TRMT11: variants seen among roughly 807,000 people sequenced by gnomAD.
The protein encoded by TRMT11 is tRNA methyltransferase 11, also known as tRNA (guanine(10)-N(2))-methyltransferase TRMT11.
A neutral mutation model predicts 62.8 loss-of-function variants in TRMT11; 53 were observed. The ratio of observed to expected loss-of-function variants is 0.84; its 90% CI spans 0.68 to 1.06. TRMT11 has a LOEUF of 1.06. Ranked by LOEUF, TRMT11 falls within the 50% of genes least tolerant of loss-of-function variation. The pLI, the probability that TRMT11 is intolerant of heterozygous loss-of-function variation, is 0.00. For missense variants in TRMT11, 556 were observed against 553.4 expected (o/e 1.00, Z -0.05); for synonymous variants, 188 against 190.3 (o/e 0.99, Z 0.10).
upstream of TRMT11, among the ~76,000 whole-genome samples, chr6:126,172,814 T>A (rs1378105983): frequency 6.6e-6 from 1 of 152,124 alleles, no homozygotes; most frequent in Non-Finnish European, 1.5e-5. Context: ...TGTAAAAGTC[T>A]CTGATACATG....
intron 21 of TRMT11, among the ~76,000 whole-genome samples, chr6:126,161,523 A>G (rs1325183627): frequency 1.3e-5 from 2 of 152,192 alleles, no homozygotes; most frequent in Non-Finnish European, 2.9e-5. Context: ...GCTATTGTGA[A>G]TAGTGCTGCA....
chr6:126,034,057 T>TC (rs1774705677), intron 12 of TRMT11, among the ~76,000 whole-genome samples: 1 of 152,092 alleles, frequency 6.6e-6, no homozygotes, highest in Non-Finnish European at 1.5e-5. Context: ...TCAAACTCTA[T>TC]TTTGAATGAC....
At chr6:126,249,529 A>G in the TRMT11 span, among the ~76,000 whole-genome samples, 4 of 152,192 alleles carry the variant, frequency 2.6e-5, no homozygotes, top group East Asian at 7.7e-4. Flanking sequence ...TTTTAGCTAT[A>G]AGAAGACAAG....
chr6:126,070,175 A>T (rs377091217), intron 17 of TRMT11, among the ~76,000 whole-genome samples: 395 of 152,318 alleles, frequency 2.6e-3, no homozygotes, highest in African/African-American at 8.8e-3. Flanking sequence ...TGTGCTTCCC[A>T]TCAGAGAACC....
downstream of TRMT11, among the ~76,000 whole-genome samples, chr6:126,207,290 T>C (rs1180380013): frequency 1.3e-5 from 2 of 152,156 alleles, no homozygotes; most frequent in Non-Finnish European, 2.9e-5. Context: ...TGAAGGGGTA[T>C]TGTCCCTGGA....
At chr6:126,254,785 A>G in the TRMT11 span, among the ~76,000 whole-genome samples, 1 of 152,160 alleles carries the variant, frequency 6.6e-6, no homozygotes, top group Admixed American at 6.5e-5. Flanking sequence ...TCTTGTTTTT[A>G]ACTACCTAAA....
intron 17 of TRMT11, among the ~76,000 whole-genome samples, chr6:126,085,940 C>A (rs1777212546): frequency 6.6e-6 from 1 of 152,122 alleles, no homozygotes; most frequent in African/African-American, 2.4e-5. Context: ...TCCTCTCAAC[C>A]TACTGCTACT....
chr6:126,244,079 T>C, the TRMT11 span, among the ~76,000 whole-genome samples: 1 of 152,162 alleles, frequency 6.6e-6, no homozygotes, highest in African/African-American at 2.4e-5. Flanking sequence ...TTCTAAAATG[T>C]TCTTAGCATT....
intron 12 of TRMT11, among the ~76,000 whole-genome samples, chr6:126,030,364 A>G (rs1421147971): frequency 3.9e-5 from 6 of 152,192 alleles, no homozygotes; most frequent in Non-Finnish European, 7.3e-5. Flanking sequence ...CAGCACTGTC[A>G]TTTACATTTC....
chr6:126,172,341 G>A (rs1778339705), upstream of TRMT11, among the ~76,000 whole-genome samples: 1 of 152,122 alleles, frequency 6.6e-6, no homozygotes, highest in Admixed American at 6.5e-5. Flanking sequence ...ACTCCAAGAA[G>A]TTATGTGAGC....
the TRMT11 span, among the ~76,000 whole-genome samples, chr6:126,253,136 A>T: frequency 1.6e-4 from 24 of 152,194 alleles, no homozygotes; most frequent in African/African-American, 4.6e-4. Flanking sequence ...AAATGTGTAT[A>T]CATATGTACA....
intron 21 of TRMT11, among the ~76,000 whole-genome samples, chr6:126,140,821 C>G (rs933318174): frequency 1.3e-5 from 2 of 151,906 alleles, no homozygotes; most frequent in African/African-American, 2.4e-5. Flanking sequence ...ATTTTGCAAT[C>G]AAATAATTAT....
intron 21 of TRMT11, among the ~76,000 whole-genome samples, chr6:126,143,648 T>C (rs1777943704): frequency 6.6e-6 from 1 of 152,156 alleles, no homozygotes; most frequent in African/African-American, 2.4e-5. Context: ...CCATAGCCCT[T>C]GAAAGGAAGG....
intron 1 of TRMT11, among the ~76,000 whole-genome samples, chr6:126,183,163 G>A (rs931872391): frequency 6.6e-6 from 1 of 152,128 alleles, no homozygotes; most frequent in African/African-American, 2.4e-5. Context: ...CTTTTTAGGA[G>A]CAAGCATCAC....
At position 125,998,121 on chromosome 6, in the gene TRMT11, C is replaced by T. The variant is rs750764605; in HGVS notation, c.281C>T (p.Pro94Leu). Residue 94 changes from proline to leucine, a missense_variant, in exon 4 of 13, where the codon CCT (proline) becomes CTT (leucine). Transcript: ENST00000334379. ...CTGTACAGTTCTCTTAAAAACTACC[C>T]TGTGGAGAAGATGGTGCGTAGTAAA... ...EELYSSLKNY[P>L]VEKMVPFLHS... 8.1e-6 allele frequency: 13 copies of T among 1,613,282 alleles called. No homozygotes were observed. Among genetic ancestry groups the T allele is most frequent in the Middle Eastern group, 1.6e-4 (1 of 6,066 alleles).
At chr6:126,020,013 T>C (rs1158309325) in intron 11 of TRMT11, among the ~76,000 whole-genome samples, 1 of 152,180 alleles carries the variant, frequency 6.6e-6, no homozygotes, top group Non-Finnish European at 1.5e-5. Flanking sequence ...TTATGAATGA[T>C]GCTTGGGAAG....
chr6:126,151,902 T>C lies in TRMT11; in HGVS notation c.*1824-22923T>C, dbSNP rs1320639531. On this transcript the variant is annotated intron_variant and NMD_transcript_variant, in intron 21 of 22. Transcript: ENST00000648977. The stretch of plus-strand genomic sequence containing the variant: ...CTTCCTTCCTTGTCTTTTTCTTTCT[T>C]TTCTCTTTCTTTCTTTCTTTCTTTC... Among the ~76,000 whole-genome samples the C allele has an allele frequency of 5.1e-3, 130 of 25,728 alleles. 2 individuals are homozygous for C. The highest frequency in any genetic ancestry group is 0.012 in the African/African-American group (35 of 3,008). The allele number at this position is 25,728 out of a possible 152,430, so 16.9% of individuals were successfully genotyped here.
At chr6:126,016,780 A>G (rs1012352164) in intron 11 of TRMT11, among the ~76,000 whole-genome samples, 4 of 151,954 alleles carry the variant, frequency 2.6e-5, no homozygotes, top group African/African-American at 9.7e-5. Context: ...TGGGAAGACA[A>G]TGGTGGCATT....
chr6:126,031,380 G>C (rs913111214), intron 12 of TRMT11, among the ~76,000 whole-genome samples: 1 of 152,098 alleles, frequency 6.6e-6, no homozygotes, highest in Non-Finnish European at 1.5e-5. Context: ...GTCAGGTGTT[G>C]GGGCTGAACA....
Sources: allele counts gnomAD v4.1 joint callset (sites outside exome capture counted in the v4.1 genomes callset), GRCh38; gene constraint gnomAD v4.1.1; transcripts MANE v1.5; gene names NCBI Gene and HGNC (gene_info 2026-07-23, HGNC 2026-07-21).